PARD3: variants seen among roughly 807,000 people sequenced by gnomAD.
PARD3 encodes the protein partitioning defective 3 homolog.
Under a neutral mutation model 155.4 loss-of-function variants are expected in PARD3, and 75 were observed. The ratio of observed to expected loss-of-function variants is 0.48; its 90% CI spans 0.40 to 0.58. The LOEUF is 0.58. PARD3 is among the 20% of genes least tolerant of loss of function. PARD3 has a pLI of 0.00. For synonymous variants in PARD3, 576 were observed against 610.5 expected, an observed-to-expected ratio of 0.94 and a Z score of 0.83; for missense variants, 1,642 against 1,721.7, an observed-to-expected ratio of 0.95 and a Z score of 0.82.
chr10:34,605,536 C>G (rs1413318307), intron 2 of PARD3, among the ~76,000 whole-genome samples: 1 of 13,974 alleles, frequency 7.2e-5, no homozygotes, highest in Non-Finnish European at 1.2e-4. Flanking sequence ...ATATATATCT[C>G]CTATATATAT....
intron 22 of PARD3, among the ~76,000 whole-genome samples, chr10:34,133,316 C>G (rs1185364808): frequency 6.6e-6 from 1 of 152,190 alleles, no homozygotes; most frequent in Non-Finnish European, 1.5e-5. Context: ...CATGCTCCCC[C>G]TCCCCTAAGG....
intron 5 of PARD3, among the ~76,000 whole-genome samples, chr10:34,409,182 A>AT (rs1844800041): frequency 6.6e-6 from 1 of 152,214 alleles, no homozygotes; most frequent in Non-Finnish European, 1.5e-5. Flanking sequence ...CATATACAAC[A>AT]TGACTCCATA....
chr10:34,595,378 A>T (rs1180968801), intron 2 of PARD3, among the ~76,000 whole-genome samples: 3 of 152,224 alleles, frequency 2.0e-5, no homozygotes, highest in Non-Finnish European at 4.4e-5. Context: ...GTTAAAAGTC[A>T]TTTGAAAATG....
intron 2 of PARD3, among the ~76,000 whole-genome samples, chr10:34,677,272 T>C (rs12254787): frequency 0.036 from 5,492 of 152,002 alleles, 330 homozygotes; most frequent in African/African-American, 0.13. Context: ...CTTGAGGCCA[T>C]GAGTTTGCAA....
chr10:34,776,086 T>C (rs185146177), intron 1 of PARD3, among the ~76,000 whole-genome samples: 12 of 152,254 alleles, frequency 7.9e-5, no homozygotes, highest in African/African-American at 2.2e-4. Flanking sequence ...TACAACCCTA[T>C]AGGCTCATGG....
chr10:34,130,275 G>C (rs1410896525), intron 23 of PARD3, among the ~76,000 whole-genome samples: 1 of 151,994 alleles, frequency 6.6e-6, no homozygotes, highest in African/African-American at 2.4e-5. Context: ...ATCCTTCCTT[G>C]AGCTATACTT....
rs146906873 is a variant in PARD3 at position 34,292,478 on chromosome 10, A to G, written c.3066-8233T>C. Among the ~76,000 whole-genome samples, 528 of 152,332 alleles carry G rather than the reference A, an allele frequency of 3.5e-3. 4 individuals carry two copies. Among genetic ancestry groups the G allele is most frequent in the Non-Finnish European group, 4.0e-3 (270 of 68,034 alleles). On this transcript the variant is annotated intron_variant, in intron 20 of 24. Coordinates refer to ENST00000374788, the MANE Select transcript of PARD3 (RefSeq NM_001184785.2). ...TATTTAGGCAAAAAAGCATCTTGGT[A>G]ATCAACAATGATGAGAGAGGAGCCT...
chr10:34,706,585 A>C (rs1400908502), intron 1 of PARD3, among the ~76,000 whole-genome samples: 1 of 152,012 alleles, frequency 6.6e-6, no homozygotes, highest in Non-Finnish European at 1.5e-5. Flanking sequence ...TCTATAAAAT[A>C]CAGAAAACAA....
At chr10:34,394,155 A>G (rs776571058) in intron 7 of PARD3, among the ~76,000 whole-genome samples, 29 of 151,614 alleles carry the variant, frequency 1.9e-4, no homozygotes, top group Non-Finnish European at 2.8e-4. Flanking sequence ...CCTCCAGAGT[A>G]GGTGGGACTA....
intron 14 of PARD3, among the ~76,000 whole-genome samples, chr10:34,349,337 A>G (rs1267508679): frequency 2.0e-5 from 3 of 152,146 alleles, no homozygotes; most frequent in Non-Finnish European, 4.4e-5. Flanking sequence ...GGTCAACACA[A>G]TTACAATTGG....
chr10:34,489,051 T>A (rs2079688078), intron 3 of PARD3, among the ~76,000 whole-genome samples: 1 of 152,116 alleles, frequency 6.6e-6, no homozygotes, highest in Non-Finnish European at 1.5e-5. Context: ...AAGACAAATA[T>A]CTACAGCTGG....
At chr10:34,183,919 T>C (rs948636001) in intron 22 of PARD3, among the ~76,000 whole-genome samples, 2 of 152,176 alleles carry the variant, frequency 1.3e-5, no homozygotes, top group Non-Finnish European at 2.9e-5. Context: ...ATCGGAGCCA[T>C]ATCACTCCAA....
chr10:34,516,882 ATAAT>A (rs968895716), intron 3 of PARD3, 93 bp downstream of exon 3: 3 of 1,181,564 alleles, frequency 2.5e-6, no homozygotes, highest in East Asian at 2.3e-5. Flanking sequence ...AATAAAACAG[ATAAT>A]TAATTCCATT....
chr10:34,206,840 C>A (rs1951502314), intron 22 of PARD3, among the ~76,000 whole-genome samples: 1 of 152,166 alleles, frequency 6.6e-6, no homozygotes, highest in African/African-American at 2.4e-5. Flanking sequence ...GCTCTCACCT[C>A]TTCTGTTTCA....
chr10:34,615,309 T>G (rs1383813916), intron 2 of PARD3, among the ~76,000 whole-genome samples: 3 of 151,940 alleles, frequency 2.0e-5, no homozygotes, highest in Non-Finnish European at 1.5e-5. Flanking sequence ...AGAACAGAAA[T>G]AAATCCACAT....
intron 2 of PARD3, among the ~76,000 whole-genome samples, chr10:34,610,554 C>T (rs1012910044): frequency 1.3e-5 from 2 of 152,142 alleles, no homozygotes; most frequent in Non-Finnish European, 2.9e-5. Context: ...ATAAGCATGC[C>T]TGTAACCAAG....
intron 1 of PARD3, among the ~76,000 whole-genome samples, chr10:34,809,295 C>T (rs191230938): frequency 1.3e-5 from 2 of 152,174 alleles, no homozygotes; most frequent in East Asian, 1.9e-4. Flanking sequence ...GTGACAGACA[C>T]GGGCTATTCA....
At chr10:34,761,846 A>G (rs1837483305) in intron 1 of PARD3, among the ~76,000 whole-genome samples, 1 of 152,234 alleles carries the variant, frequency 6.6e-6, no homozygotes, top group Non-Finnish European at 1.5e-5. Flanking sequence ...AAAATTATGT[A>G]TATCATGATA....
rs868734903 is a variant in PARD3, at chr10:34,798,975, C to T, written c.120+15901G>A. On this transcript the variant is annotated intron_variant, in intron 1 of 24. Transcript: ENST00000374788. The stretch of plus-strand genomic sequence containing the variant: ...CAGAAACACCAATCTCCAAACGTGA[C>T]CCAGAGACCTCACCCCCTTGGTTTA... 4.6e-5 allele frequency among the ~76,000 whole-genome samples: 7 copies of T among 152,198 alleles called. No homozygotes were observed. In the South Asian group the frequency reaches 8.3e-4, roughly 18 times the overall value.
Sources: gnomAD v4.1 joint callset for allele counts (sites outside exome capture counted in the v4.1 genomes callset) on GRCh38, gnomAD v4.1.1 for gene constraint, MANE v1.5 for transcripts, NCBI Gene and HGNC (gene_info 2026-07-23, HGNC 2026-07-21) for gene names.